LPP: variants seen among roughly 807,000 people sequenced by gnomAD.
LPP encodes LIM domain containing preferred translocation partner in lipoma.
Under a neutral mutation model 60.4 loss-of-function variants are expected in LPP, and 38 were observed. The observed-to-expected ratio is 0.63, with a 90% confidence interval of 0.49 to 0.83. The LOEUF (loss-of-function observed/expected upper bound fraction) is 0.83. Among genes scored for constraint, LPP ranks in the 40% least tolerant of loss-of-function variants. The probability of loss-of-function intolerance (pLI) is 0.00; values close to 1 mark genes in which losing one functional copy is unlikely to be tolerated. For missense variants in LPP, 902 were observed against 783.6 expected, an observed-to-expected ratio of 1.15 and a Z score of -1.80; for synonymous variants, 328 against 290.8, an observed-to-expected ratio of 1.13 and a Z score of -1.30.
At chr3:188,751,942 A>G (rs1728212272) in intron 8 of LPP, among the ~76,000 whole-genome samples, 1 of 152,228 alleles carries the variant, frequency 6.6e-6, no homozygotes, top group Non-Finnish European at 1.5e-5. Flanking sequence ...ATTGATAAAT[A>G]TAAATCTTAA....
chr3:188,765,861 CTTTTTT>C (rs71169019), intron 9 of LPP, among the ~76,000 whole-genome samples: 5 of 92,626 alleles, frequency 5.4e-5, no homozygotes, highest in Admixed American at 3.9e-4. Context: ...ATGTTCAACT[CTTTTTT>C]TTTTTTTTTT....
At position 188,879,637 on chromosome 3, in the gene LPP, T is replaced by C. The variant is rs962626201; in HGVS notation, c.*5158T>C. The C allele has an allele frequency of 1.6e-5, 3 of 185,310 alleles. No individual in the cohort carries two copies. The highest frequency in any genetic ancestry group is 3.4e-5 in the Non-Finnish European group (3 of 87,490). 11.5% of individuals were successfully genotyped at this position (185,310 alleles called of 1,614,324 possible). A position where few individuals can be genotyped will look rare whatever the true frequency, so the allele number is the denominator to read the frequency against. On this transcript the variant is annotated 3_prime_UTR_variant, in exon 12 of 12. Coordinates refer to ENST00000617246, the MANE Select transcript of LPP (RefSeq NM_001375462.1). ...TCAAAGACTAGGTTAAGATTTTTTT[T>C]TTAAGTCTGAAGCAATGTAACCCCA... is the stretch of plus-strand genomic sequence containing the variant.
rs549665563 is a variant in LPP, at chr3:188,229,049, C to T, written c.-67+3522C>T. Among the ~76,000 whole-genome samples the T allele has an allele frequency of 5.9e-5, 9 of 152,308 alleles. No individual in the cohort carries two copies. The East Asian group carries it at 9.6e-4, about 16-fold the overall frequency. ...GCCAACATTGTACCTCTTCCTCCTCCGGGTTGGATGGGCACTAACTCGTCC... is the reference window on the plus strand; with the variant it reads ...GCCAACATTGTACCTCTTCCTCCTCTGGGTTGGATGGGCACTAACTCGTCC... On this transcript the variant is annotated intron_variant, in intron 2 of 11. Coordinates refer to ENST00000617246, the MANE Select transcript of LPP (RefSeq NM_001375462.1).
At chr3:188,820,835 G>A (rs1753769657) in intron 9 of LPP, among the ~76,000 whole-genome samples, 3 of 151,970 alleles carry the variant, frequency 2.0e-5, no homozygotes, top group Admixed American at 1.3e-4. Flanking sequence ...AATCAGCATC[G>A]TTATACCTTG....
chr3:188,423,870 T>A (rs576876915), intron 4 of LPP, among the ~76,000 whole-genome samples: 150 of 149,798 alleles, frequency 1.0e-3, no homozygotes, highest in Non-Finnish European at 1.7e-3. Flanking sequence ...GTCAGATGGA[T>A]AGATTGCACG....
At chr3:188,735,867 C>A (rs1722324281) in intron 8 of LPP, among the ~76,000 whole-genome samples, 1 of 152,132 alleles carries the variant, frequency 6.6e-6, no homozygotes, top group African/African-American at 2.4e-5. Flanking sequence ...ATTGAGCTGT[C>A]CCAGCAAGAG....
chr3:188,684,258 A>G (rs1577016292), intron 7 of LPP, among the ~76,000 whole-genome samples: 1 of 152,374 alleles, frequency 6.6e-6, no homozygotes, highest in East Asian at 1.9e-4. Flanking sequence ...AGTTCCATGT[A>G]CAACAGGCTG....
At position 188,878,143 on chromosome 3, in the gene LPP, T is replaced by C. The variant is rs763500749; in HGVS notation, c.*3664T>C. On this transcript the variant is annotated 3_prime_UTR_variant, in exon 12 of 12. Coordinates refer to ENST00000617246, the MANE Select transcript of LPP (RefSeq NM_001375462.1). Reference sequence around the variant, plus strand: ...AAAACACAACTTCCAGCCATTTTTTTAGTTAGTAAAAATCCTATTAATGTG... The same window carrying C: ...AAAACACAACTTCCAGCCATTTTTTCAGTTAGTAAAAATCCTATTAATGTG... 8 of 220,310 alleles carry C rather than the reference T, an allele frequency of 3.6e-5. No homozygotes were observed. Among genetic ancestry groups the C allele is most frequent in the South Asian group, 1.8e-4 (1 of 5,410 alleles). The allele number at this position is 220,310 out of a possible 1,614,324, so 13.6% of individuals were successfully genotyped here.
chr3:188,558,617 A>T (rs1025744759), intron 6 of LPP, among the ~76,000 whole-genome samples: 2 of 152,094 alleles, frequency 1.3e-5, no homozygotes, highest in African/African-American at 4.8e-5. Context: ...CAATCAACAA[A>T]TGTTTGCTGA....
intron 8 of LPP, among the ~76,000 whole-genome samples, chr3:188,756,453 G>T (rs1355756931): frequency 6.6e-6 from 1 of 152,050 alleles, no homozygotes; most frequent in Non-Finnish European, 1.5e-5. Flanking sequence ...TATTCTCCTG[G>T]TTTCTCTTGT....
chr3:188,701,268 T>A (rs1577090849), intron 7 of LPP, among the ~76,000 whole-genome samples: 1 of 152,216 alleles, frequency 6.6e-6, no homozygotes, highest in African/African-American at 2.4e-5. Flanking sequence ...GACCCAGATT[T>A]GGCTGTAAAT....
At chr3:188,371,636 TATA>T (rs1560311083) in intron 3 of LPP, among the ~76,000 whole-genome samples, 114 of 34,336 alleles carry the variant, frequency 3.3e-3, no homozygotes, top group African/African-American at 8.1e-3. Context: ...TATATATATA[TATA>T]TATTTTTTTT....
Position 188,630,696 on chromosome 3 carries a change from A to G in LPP, c.1113+20852A>G, listed in dbSNP as rs149873201. Reference sequence around the variant, plus strand: ...GGTTTCTGCCATTAAAAGTAATGGCAGAAACCTAATGAAAAGACAAATGCA... The same window carrying G: ...GGTTTCTGCCATTAAAAGTAATGGCGGAAACCTAATGAAAAGACAAATGCA... On this transcript the variant is annotated intron_variant, in intron 7 of 11. Transcript: ENST00000617246. 4.8e-4 allele frequency among the ~76,000 whole-genome samples: 73 copies of G among 152,344 alleles called. 1 individual carries two copies. Among genetic ancestry groups the G allele is most frequent in the African/African-American group, 1.7e-3 (71 of 41,590 alleles).
intron 1 of LPP, among the ~76,000 whole-genome samples, chr3:188,199,946 C>G (rs1418244102): frequency 6.6e-6 from 1 of 151,926 alleles, no homozygotes. Context: ...AACTCCTGAC[C>G]TCAGGTGATC....
At chr3:188,776,331 G>A (rs1291458599) in intron 9 of LPP, among the ~76,000 whole-genome samples, 1 of 152,182 alleles carries the variant, frequency 6.6e-6, no homozygotes, top group Non-Finnish European at 1.5e-5. Context: ...AAGAATGAAT[G>A]AGAACAGTTC....
intron 8 of LPP, among the ~76,000 whole-genome samples, chr3:188,757,099 C>A (rs1447213196): frequency 6.6e-6 from 1 of 152,232 alleles, no homozygotes; most frequent in Non-Finnish European, 1.5e-5. Flanking sequence ...CTCCACACAA[C>A]CTTTCCTGAG....
At chr3:188,645,809 C>CA (rs397745386) in intron 7 of LPP, among the ~76,000 whole-genome samples, 6,489 of 135,336 alleles carry the variant, frequency 0.048, 149 homozygotes, top group Middle Eastern at 0.087. Context: ...AATATAAGTT[C>CA]AAAAAAAAAA....
At chr3:188,251,379 A>G (rs1239681797) in intron 2 of LPP, among the ~76,000 whole-genome samples, 2 of 152,002 alleles carry the variant, frequency 1.3e-5, no homozygotes. Flanking sequence ...GCATGTCTTC[A>G]TTATGTCCTC....
At chr3:188,268,116 A>T (rs1467947473) in intron 2 of LPP, among the ~76,000 whole-genome samples, 1 of 144,060 alleles carries the variant, frequency 6.9e-6, no homozygotes, top group Non-Finnish European at 1.5e-5. Flanking sequence ...TTCTGCACCT[A>T]CCTGCACGTG....
Sources: allele counts gnomAD v4.1 joint callset (sites outside exome capture counted in the v4.1 genomes callset), GRCh38; gene constraint gnomAD v4.1.1; transcripts MANE v1.5; gene names NCBI Gene and HGNC (gene_info 2026-07-23, HGNC 2026-07-21).